The following FHIT variants were observed in gnomAD, a reference collection of about 807,000 sequenced individuals.
The protein encoded by FHIT is bis(5'-adenosyl)-triphosphatase.
Under a neutral mutation model 17.9 loss-of-function variants are expected in FHIT, and 19 were observed. The ratio of observed to expected loss-of-function variants is 1.06; its 90% CI spans 0.74 to 1.56. The LOEUF (loss-of-function observed/expected upper bound fraction) is 1.56. FHIT is among the 40% of genes most tolerant of loss of function. FHIT has a pLI of 0.00. For missense variants in FHIT, 248 were observed against 189.2 expected (o/e 1.31, Z -1.82); for synonymous variants, 81 against 69.7 (o/e 1.16, Z -0.81).
intron 7 of FHIT, among the ~76,000 whole-genome samples, chr3:59,956,285 A>T (rs1400855301): frequency 6.6e-6 from 1 of 152,088 alleles, no homozygotes. Flanking sequence ...CACATCTGTA[A>T]TCCCAGCACA....
intron 8 of FHIT, among the ~76,000 whole-genome samples, chr3:59,793,059 C>G (rs543075174): frequency 4.6e-5 from 7 of 152,056 alleles, no homozygotes; most frequent in Non-Finnish European, 8.8e-5. Flanking sequence ...CTGCCCAGAT[C>G]ATCATTTTCT....
At chr3:60,548,017 A>G (rs1243222879) in intron 4 of FHIT, among the ~76,000 whole-genome samples, 3 of 152,136 alleles carry the variant, frequency 2.0e-5, no homozygotes, top group African/African-American at 7.2e-5. Context: ...GGTATTGCCA[A>G]AAGAGATTCA....
chr3:59,754,888 A>C (rs1194704746), intron 8 of FHIT, among the ~76,000 whole-genome samples: 1 of 152,122 alleles, frequency 6.6e-6, no homozygotes, highest in African/African-American at 2.4e-5. Context: ...TCTGTTTAGA[A>C]CAGCGGCACT....
chr3:60,340,184 G>T lies in FHIT; in HGVS notation c.103+196676C>A, dbSNP rs149505751. ...ATGATTGCTGTATTTTAATGCAGCA[G>T]CCTTAAGTAATTGAAAATCATTACT... On this transcript the variant is annotated intron_variant, in intron 5 of 9. Transcript: ENST00000492590. Among the ~76,000 whole-genome samples, 469 of 152,226 alleles carry T rather than the reference G, an allele frequency of 3.1e-3. 1 individual carries two copies. Among genetic ancestry groups the T allele is most frequent in the African/African-American group, 0.011 (449 of 41,540 alleles).
intron 4 of FHIT, among the ~76,000 whole-genome samples, chr3:60,804,119 TC>T (rs150956258): frequency 3.9e-5 from 6 of 152,288 alleles, no homozygotes; most frequent in African/African-American, 1.4e-4. Context: ...CATAACCCTG[TC>T]CTAGGCTAAC....
chr3:59,859,914 G>T (rs1292223592), intron 8 of FHIT, among the ~76,000 whole-genome samples: 5 of 152,134 alleles, frequency 3.3e-5, no homozygotes, highest in African/African-American at 1.2e-4. Context: ...ATTCCTGATT[G>T]GAAGTGTTTT....
intron 8 of FHIT, among the ~76,000 whole-genome samples, chr3:59,866,980 A>G (rs1205668649): frequency 1.3e-5 from 2 of 151,692 alleles, no homozygotes; most frequent in Non-Finnish European, 2.9e-5. Context: ...GTCACAGAAT[A>G]ATCTCTAATG....
intron 8 of FHIT, among the ~76,000 whole-genome samples, chr3:59,834,508 C>G (rs1167738050): frequency 2.0e-5 from 3 of 152,190 alleles, no homozygotes; most frequent in African/African-American, 7.2e-5. Context: ...ATTTACTTCT[C>G]ACACTTCTGG....
chr3:61,245,788 T>C (rs1169518953), intron 1 of FHIT, among the ~76,000 whole-genome samples: 1 of 152,162 alleles, frequency 6.6e-6, no homozygotes, highest in Non-Finnish European at 1.5e-5. Context: ...AGCTAATTAA[T>C]ATGCACTACC....
At chr3:59,888,173 A>C (rs960268584) in intron 8 of FHIT, among the ~76,000 whole-genome samples, 2 of 152,188 alleles carry the variant, frequency 1.3e-5, no homozygotes, top group Non-Finnish European at 2.9e-5. Context: ...GTTGTCTCTT[A>C]ACAAATTCAT....
chr3:60,869,424 A>T (rs575765729), intron 3 of FHIT, among the ~76,000 whole-genome samples: 1 of 152,144 alleles, frequency 6.6e-6, no homozygotes, highest in Non-Finnish European at 1.5e-5. Flanking sequence ...CTCAGGGAAT[A>T]CAGCCCCCTT....
chr3:59,942,648 G>T (rs760608715), intron 7 of FHIT, among the ~76,000 whole-genome samples: 8 of 151,836 alleles, frequency 5.3e-5, no homozygotes, highest in Admixed American at 1.3e-4. Context: ...ACAGCCCTTA[G>T]TTCTTTTTTT....
chr3:60,017,758 A>G (rs1700399348), intron 5 of FHIT, among the ~76,000 whole-genome samples: 1 of 152,216 alleles, frequency 6.6e-6, no homozygotes, highest in Admixed American at 6.5e-5. Flanking sequence ...GTGTGACCAC[A>G]TGCCAAGCCC....
chr3:60,258,391 C>G (rs776653224), intron 5 of FHIT, among the ~76,000 whole-genome samples: 11 of 152,104 alleles, frequency 7.2e-5, no homozygotes, highest in Non-Finnish European at 1.6e-4. Context: ...CCCACTTCCT[C>G]TTCTTCAAAA....
At chr3:60,129,715 G>A (rs1023024166) in intron 5 of FHIT, among the ~76,000 whole-genome samples, 1 of 151,958 alleles carries the variant, frequency 6.6e-6, no homozygotes, top group Non-Finnish European at 1.5e-5. Flanking sequence ...ATAAACATCT[G>A]TTTTGTTATC....
chr3:59,802,637 C>T (rs1339018360), intron 8 of FHIT, among the ~76,000 whole-genome samples: 1 of 152,132 alleles, frequency 6.6e-6, no homozygotes, highest in Non-Finnish European at 1.5e-5. Flanking sequence ...CCTTCCTTGA[C>T]TCTCTTTTTG....
At chr3:59,964,844 C>A (rs1339836612) in intron 7 of FHIT, among the ~76,000 whole-genome samples, 13 of 152,210 alleles carry the variant, frequency 8.5e-5, no homozygotes, top group East Asian at 7.7e-4. Context: ...CAAAACAAAT[C>A]AATATAATGC....
chr3:60,897,625 T>C (rs782512544), intron 3 of FHIT, among the ~76,000 whole-genome samples: 2 of 152,198 alleles, frequency 1.3e-5, no homozygotes, highest in Non-Finnish European at 2.9e-5. Context: ...TGGGAATGTA[T>C]GTAAGAAGAA....
At chr3:60,442,397 T>C (rs1022822664) in intron 5 of FHIT, among the ~76,000 whole-genome samples, 1 of 152,210 alleles carries the variant, frequency 6.6e-6, no homozygotes, top group Non-Finnish European at 1.5e-5. Flanking sequence ...AGGGTTTTTA[T>C]GGTTTAAGAT....
Sources: gnomAD v4.1 joint callset for allele counts (sites outside exome capture counted in the v4.1 genomes callset) on GRCh38, gnomAD v4.1.1 for gene constraint, MANE v1.5 for transcripts, NCBI Gene and HGNC (gene_info 2026-07-23, HGNC 2026-07-21) for gene names.